The following CPA6 variants were observed in gnomAD, a reference collection of about 807,000 sequenced individuals.
The protein encoded by CPA6 is carboxypeptidase A6, also known as carboxypeptidase B.
A neutral mutation model predicts 63.3 loss-of-function variants in CPA6; 58 were observed. That is an observed-to-expected ratio of 0.92 (90% CI 0.74 to 1.14). CPA6 has a LOEUF of 1.14. Among genes scored for constraint, CPA6 ranks in the 50% most tolerant of loss-of-function variants. The pLI, the probability that CPA6 is intolerant of heterozygous loss-of-function variation, is 0.00. For missense variants in CPA6, 565 were observed against 526.6 expected, an observed-to-expected ratio of 1.07 and a Z score of -0.71; for synonymous variants, 185 against 179.0, an observed-to-expected ratio of 1.03 and a Z score of -0.27.
intron 1 of CPA6, among the ~76,000 whole-genome samples, chr8:67,718,772 G>C (rs1262338238): frequency 1.3e-5 from 2 of 151,724 alleles, no homozygotes; most frequent in African/African-American, 4.8e-5. Flanking sequence ...TCAGCCTCCT[G>C]AGTAGCTGGG....
At chr8:67,621,145 A>G (rs1232272473) in intron 2 of CPA6, among the ~76,000 whole-genome samples, 1 of 152,164 alleles carries the variant, frequency 6.6e-6, no homozygotes, top group Admixed American at 6.6e-5. Context: ...TTACTGATGG[A>G]ATTGAGCACA....
chr8:67,625,441 G>A lies in CPA6; in HGVS notation c.117-1190C>T, dbSNP rs551020346. Among the ~76,000 whole-genome samples the A allele has an allele frequency of 5.9e-5, 9 of 152,278 alleles. No homozygotes were observed. The South Asian group carries it at 1.9e-3, about 32-fold the overall frequency. On this transcript the variant is annotated intron_variant, in intron 1 of 10. Transcript: ENST00000297770. Reference sequence around the variant, plus strand: ...TGTCTGTCAGAAAGTTTCTCTTTGGGGGCCTTGTCTCCCAGGTGTGCCAGA... The same window carrying A: ...TGTCTGTCAGAAAGTTTCTCTTTGGAGGCCTTGTCTCCCAGGTGTGCCAGA...
At chr8:67,439,676 A>G (rs952826356) in intron 8 of CPA6, among the ~76,000 whole-genome samples, 1 of 152,230 alleles carries the variant, frequency 6.6e-6, no homozygotes, top group East Asian at 1.9e-4. Context: ...GACGGCAGAA[A>G]TAAGTCTTAA....
chr8:67,741,433 G>T (rs1248344278), intron 1 of CPA6, among the ~76,000 whole-genome samples: 2 of 152,116 alleles, frequency 1.3e-5, no homozygotes. Context: ...ACACAGCAGG[G>T]GTCCCAAAAC....
At chr8:67,496,654 C>G (rs1410671181) in intron 6 of CPA6, among the ~76,000 whole-genome samples, 1 of 150,308 alleles carries the variant, frequency 6.7e-6, no homozygotes, top group Non-Finnish European at 1.5e-5. Flanking sequence ...TCCGCCTCCC[C>G]GGTTCAAGCG....
chr8:67,570,778 A>G (rs1813467466), intron 2 of CPA6, among the ~76,000 whole-genome samples: 1 of 152,222 alleles, frequency 6.6e-6, no homozygotes, highest in South Asian at 2.1e-4. Context: ...GAGAGGAAGA[A>G]AGAAACAAAG....
intron 2 of CPA6, among the ~76,000 whole-genome samples, chr8:67,536,115 G>A (rs1812579494): frequency 6.6e-6 from 1 of 152,168 alleles, no homozygotes; most frequent in Non-Finnish European, 1.5e-5. Context: ...AGTATGGTTT[G>A]AAGTCAGGTA....
At chr8:67,676,509 C>A (rs1223358173) in intron 1 of CPA6, among the ~76,000 whole-genome samples, 1 of 152,198 alleles carries the variant, frequency 6.6e-6, no homozygotes, top group Non-Finnish European at 1.5e-5. Context: ...TAGCTTGTGT[C>A]AGACCACTCT....
intron 1 of CPA6, among the ~76,000 whole-genome samples, chr8:67,679,185 C>A (rs1001108988): frequency 6.6e-6 from 1 of 152,170 alleles, no homozygotes; most frequent in African/African-American, 2.4e-5. Context: ...GATTTGTGCA[C>A]TTTTGTATGT....
At chr8:67,711,719 ACAC>A (rs1414708683) in intron 1 of CPA6, among the ~76,000 whole-genome samples, 17 of 150,924 alleles carry the variant, frequency 1.1e-4, no homozygotes, top group Admixed American at 6.6e-5. Context: ...ACACACACAC[ACAC>A]ATCTGAAAGA....
chr8:67,625,365 G>A (rs1815173032), intron 1 of CPA6, among the ~76,000 whole-genome samples: 1 of 152,160 alleles, frequency 6.6e-6, no homozygotes, highest in African/African-American at 2.4e-5. Flanking sequence ...ACAATATAAG[G>A]TTCTTTCTGT....
chr8:67,572,030 T>C (rs926796053), intron 2 of CPA6, among the ~76,000 whole-genome samples: 3 of 149,218 alleles, frequency 2.0e-5, no homozygotes, highest in African/African-American at 7.4e-5. Context: ...CAAAGAAAAA[T>C]AAGAGACTAT....
At chr8:67,509,727 C>A (rs1812005927) in intron 4 of CPA6, 109 bp from the exon 5 acceptor site, 2 of 532,040 alleles carry the variant, frequency 3.8e-6, no homozygotes, top group South Asian at 6.5e-5. Flanking sequence ...TCAAGGAGTG[C>A]ACATGGAATA....
intron 2 of CPA6, among the ~76,000 whole-genome samples, chr8:67,573,364 T>C (rs984892733): frequency 2.0e-5 from 3 of 152,182 alleles, no homozygotes; most frequent in Admixed American, 6.5e-5. Flanking sequence ...ATCTTATACA[T>C]AGAAAATCCT....
At chr8:67,663,931 G>A (rs895293960) in intron 1 of CPA6, among the ~76,000 whole-genome samples, 2 of 152,178 alleles carry the variant, frequency 1.3e-5, no homozygotes, top group South Asian at 2.1e-4. Flanking sequence ...GTTACATGAT[G>A]TAAGTAATGG....
At chr8:67,649,062 T>C (rs1337593215) in intron 1 of CPA6, among the ~76,000 whole-genome samples, 1 of 152,128 alleles carries the variant, frequency 6.6e-6, no homozygotes, top group African/African-American at 2.4e-5. Context: ...TCTTGATGGA[T>C]GCACAGTTCA....
chr8:67,502,942 G>A (rs1811858109), intron 6 of CPA6, among the ~76,000 whole-genome samples: 2 of 152,192 alleles, frequency 1.3e-5, no homozygotes, highest in Non-Finnish European at 2.9e-5. Context: ...AAAAGAAAGT[G>A]TATTCTGCTC....
At position 67,434,131 on chromosome 8, in the gene CPA6, G is replaced by A. The variant is rs1203694698; in HGVS notation, c.948C>T (p.His316=). 1.2e-6 allele frequency: 2 copies of A among 1,614,006 alleles called. No individual in the cohort carries two copies. Among genetic ancestry groups the A allele is most frequent in the African/African-American group, 1.3e-5 (1 of 75,048 alleles). The change falls in exon 9 of 11, where the codon CAC becomes CAT. Residue 316 remains histidine, a synonymous_variant. Coordinates refer to ENST00000297770, the MANE Select transcript of CPA6 (RefSeq NM_020361.5). ...VANFLRKHRK[H]IRAYLSFHAY... ...CATGAAAGGAGAGATAAGCCCTAAT[G>A]TGCTTTCTGTGTTTTCGAAGGAAGT...
chr8:67,660,183 T>C (rs566463386), intron 1 of CPA6, among the ~76,000 whole-genome samples: 5 of 152,296 alleles, frequency 3.3e-5, no homozygotes, highest in Non-Finnish European at 4.4e-5. Flanking sequence ...TGATTCACTA[T>C]GGCAGCATAA....
Sources: allele counts gnomAD v4.1 joint callset (sites outside exome capture counted in the v4.1 genomes callset), GRCh38; gene constraint gnomAD v4.1.1; transcripts MANE v1.5; gene names NCBI Gene and HGNC (gene_info 2026-07-23, HGNC 2026-07-21).